The following SLFN13 variants were observed in gnomAD, a reference collection of about 807,000 sequenced individuals.
SLFN13 encodes the protein schlafen-13.
Under a neutral mutation model 50.6 loss-of-function variants are expected in SLFN13, and 43 were observed. That is an observed-to-expected ratio of 0.85 (90% CI 0.67 to 1.09). The LOEUF is 1.09. Ranked by LOEUF, SLFN13 falls within the 50% of genes least tolerant of loss-of-function variation. The pLI is 0.00. For synonymous variants in SLFN13, 339 were observed against 386.5 expected, an observed-to-expected ratio of 0.88 and a Z score of 1.44; for missense variants, 881 against 1,071.1, an observed-to-expected ratio of 0.82 and a Z score of 2.48.
At chr17:35,448,874 G>T (rs1260798934), upstream of SLFN13, 1 of 152,354 alleles carries the variant, frequency 6.6e-6, no homozygotes, top group Non-Finnish European at 1.5e-5. Context: ...GCATGGACGC[G>T]CCAATGGGAG....
At chr17:35,447,651 G>A (rs1302544710) in intron 1 of SLFN13, among the ~76,000 whole-genome samples, 2 of 152,120 alleles carry the variant, frequency 1.3e-5, no homozygotes, top group Admixed American at 1.3e-4. Flanking sequence ...GAAAACTGGT[G>A]GGGACTGGCT....
At chr17:35,443,947 A>C in intron 3 of SLFN13, 27 bp from the exon 4 acceptor site, 1 of 1,605,268 alleles carries the variant, frequency 6.2e-7, no homozygotes, top group Non-Finnish European at 8.5e-7. Flanking sequence ...TTTAATTTAC[A>C]CTATATGATT....
In SLFN13 at chr17:35,445,648, A is replaced by C. The variant is rs1403785428; in HGVS notation, c.33T>G (p.Tyr11Ter). Residue 11 changes from tyrosine (Y) to a stop codon, truncating the protein, a stop_gained, in exon 3 of 6, where the codon TAT becomes TAG. Coordinates refer to ENST00000285013, the MANE Select transcript of SLFN13 (RefSeq NM_144682.6). LOFTEE classifies it high-confidence loss of function. MEANHCSLGVYPSYPDLVIDV... is the reference protein window; with the variant it reads MEANHCSLGV ...CGATGACCAGGTCTGGGTAAGATGG[A>C]TACACACCCAGGGAGCAGTGATTTG... The C allele has an allele frequency of 6.2e-7, 1 of 1,613,554 alleles. No homozygotes were observed. The highest frequency in any genetic ancestry group is 1.1e-5 in the South Asian group (1 of 91,046).
chr17:35,445,717 T>G, intron 2 of SLFN13, 24 bp from the exon 3 acceptor site: 1 of 1,504,578 alleles, frequency 6.6e-7, no homozygotes, highest in Non-Finnish European at 8.9e-7. Context: ...AATATTTGTT[T>G]CATTTTTGAT....
Position 35,438,383 on chromosome 17 carries a change from A to T in SLFN13, c.*2212T>A, listed in dbSNP as rs1409611893. On this transcript the variant is annotated 3_prime_UTR_variant, in exon 6 of 6. Transcript: ENST00000285013. ...TCTTTGGGCTGAACAAAAATTCATAAATATTTATATATTTTAAAATATGAT... is the reference window on the plus strand; with the variant it reads ...TCTTTGGGCTGAACAAAAATTCATATATATTTATATATTTTAAAATATGAT... The T allele has an allele frequency of 6.6e-6, 1 of 151,932 alleles. No homozygotes were observed. The highest frequency in any genetic ancestry group is 1.9e-4 in the East Asian group (1 of 5,192). 9.4% of individuals were successfully genotyped at this position (151,932 alleles called of 1,614,324 possible).
rs752430734 is a variant in SLFN13, at chr17:35,444,731, T to C, written c.950A>G (p.Lys317Arg). The C allele has an allele frequency of 3.6e-5, 58 of 1,614,056 alleles. No individual in the cohort carries two copies. The highest frequency in any genetic ancestry group is 4.8e-5 in the Non-Finnish European group (57 of 1,180,036). Residue 317 changes from lysine to arginine, a missense_variant, in exon 3 of 6, where the codon AAG becomes AGG. By Grantham distance (26) the Lys-to-Arg change is conservative. Around this residue, in one of 5 missense-constraint regions of SLFN13, gnomAD observed 497 missense variants for 518.3 expected, o/e 0.96. Transcript: ENST00000285013. The stretch of plus-strand genomic sequence containing the variant: ...CGAGAACACCACACAACAGAATGCC[T>C]TCACTTTAATCACACAGAGATAGCC... ...LYGYLCVIKV[K>R]AFCCVVFSEA... is the part of the protein sequence containing the mutation.
At chr17:35,448,571 CG>C (rs1466041301) in intron 1 of SLFN13, among the ~76,000 whole-genome samples, 150 bp downstream of exon 1, 1 of 151,344 alleles carries the variant, frequency 6.6e-6, no homozygotes, top group African/African-American at 2.4e-5. Flanking sequence ...CCGACTCCAC[CG>C]GCTGGCCGGA....
intron 3 of SLFN13, 55 bp downstream of exon 3, chr17:35,444,560 T>G (rs1190283028): frequency 7.6e-6 from 11 of 1,445,942 alleles, no homozygotes; most frequent in Non-Finnish European, 9.5e-6. Flanking sequence ...AAGAAGGAAG[T>G]GGTATTGGGG....
chr17:35,444,184 G>GA (rs1913070426), intron 3 of SLFN13, among the ~76,000 whole-genome samples: 2 of 151,872 alleles, frequency 1.3e-5, no homozygotes, highest in East Asian at 1.9e-4. Context: ...GAATTGCAGT[G>GA]GAAAAAAACT....
chr17:35,447,137 A>G (rs1055008454), intron 2 of SLFN13, 131 bp downstream of exon 2: 7 of 152,200 alleles, frequency 4.6e-5, no homozygotes, highest in Non-Finnish European at 1.0e-4. Flanking sequence ...TAAAGGTATT[A>G]TAGTCAGTGC....
In SLFN13 at chr17:35,436,786, A is replaced by G. The variant is rs1021963020; in HGVS notation, c.*3809T>C. On this transcript the variant is annotated 3_prime_UTR_variant, in exon 6 of 6. Transcript: ENST00000285013. ...ATAGTGTCAAAGATATGACAAAGAC[A>G]GATTAACATCTCCAGATTAAATGAG... 8 of 152,230 alleles carry G rather than the reference A, an allele frequency of 5.3e-5. No homozygotes were observed. Among genetic ancestry groups the G allele is most frequent in the Admixed American group, 4.6e-4 (7 of 15,294 alleles). 9.4% of individuals were successfully genotyped at this position (152,230 alleles called of 1,614,324 possible). A position where few individuals can be genotyped will look rare whatever the true frequency, so the allele number is the denominator to read the frequency against.
At position 35,440,584 on chromosome 17, in the gene SLFN13, T is replaced by G. The variant is rs779797460; in HGVS notation, c.*11A>C. 1 of 1,613,502 alleles carries G rather than the reference T, an allele frequency of 6.2e-7. No individual in the cohort carries two copies. Among genetic ancestry groups the G allele is most frequent in the South Asian group, 1.1e-5 (1 of 91,042 alleles). ...CAGTATTTTGGTTTGGAGTTCTTCC[T>G]AATAGTCACTTCACAGAAAAATATA... On this transcript the variant is annotated 3_prime_UTR_variant, in exon 6 of 6. Coordinates refer to ENST00000285013, the MANE Select transcript of SLFN13 (RefSeq NM_144682.6).
In SLFN13 at chr17:35,445,704, T is replaced by C; in HGVS notation, c.-13-11A>G. The stretch of plus-strand genomic sequence containing the variant: ...ATGTTGAACTTGCACCTTAAAGTAT[T>C]AGAATATTTGTTTCATTTTTGATTA... On this transcript the variant is annotated splice_polypyrimidine_tract_variant and intron_variant, in intron 2 of 5. Transcript: ENST00000285013. The C allele has an allele frequency of 4.6e-6, 7 of 1,537,184 alleles. No individual in the cohort carries two copies. Among genetic ancestry groups the C allele is most frequent in the Non-Finnish European group, 6.1e-6 (7 of 1,143,616 alleles).
chr17:35,442,054 C>T lies in SLFN13; in HGVS notation c.1431G>A (p.Arg477=), dbSNP rs760213728. 3 of 1,614,302 alleles carry T rather than the reference C, an allele frequency of 1.9e-6. No individual in the cohort carries two copies. Among genetic ancestry groups the T allele is most frequent in the South Asian group, 2.2e-5 (2 of 91,092 alleles). ...AGTCCTGGCCCTCTGCATCCTGCTC[C>T]CTGAGAATGGTGTAGAGAATGGGGG... ...NSTPILYTIL[R]EQDAEGQDYC... The change falls in exon 5 of 6, where the codon AGG becomes AGA. Residue 477 remains arginine (R), a synonymous_variant. Transcript: ENST00000285013.
rs10512469 is a variant in SLFN13 at position 35,443,783 on chromosome 17, C to T, written c.1198+6G>A. On this transcript the variant is annotated splice_donor_region_variant and intron_variant, in intron 4 of 5. Transcript: ENST00000285013. ...CTCTCCTGATGTAAAAACTGGCAGT[C>T]AGTACCTGGAAATAAATGTTGTTGT... 0.21 allele frequency: 331,887 copies of T among 1,602,548 alleles called. 41,795 individuals carry two copies. Among genetic ancestry groups the T allele is most frequent in the East Asian group, 0.68 (30,348 of 44,700 alleles).
chr17:35,443,842 T>C lies in SLFN13; in HGVS notation c.1145A>G (p.Tyr382Cys). ...SDSPSLCRPV[Y>C]SKKGLEHKAD... ...TTTGTGTTCCAGACCTTTCTTAGAA[T>C]ACACTGGTCTGCAAAGTGAAGGACT... Residue 382 changes from tyrosine (Y) to cysteine (C), a missense_variant, in exon 4 of 6, where the codon TAT (tyrosine) becomes TGT (cysteine). By Grantham distance (194) the Tyr-to-Cys change is radical (BLOSUM62 -2). Coordinates refer to ENST00000285013, the MANE Select transcript of SLFN13 (RefSeq NM_144682.6). 1 of 1,613,780 alleles carries C rather than the reference T, an allele frequency of 6.2e-7. No individual in the cohort carries two copies. Among genetic ancestry groups the C allele is most frequent in the Non-Finnish European group, 8.5e-7 (1 of 1,179,694 alleles).
chr17:35,441,213 C>T lies in SLFN13; in HGVS notation c.2076G>A (p.Lys692=). The change falls in exon 6 of 6, where the codon AAG becomes AAA. Residue 692 remains lysine, a synonymous_variant. Coordinates refer to ENST00000285013, the MANE Select transcript of SLFN13 (RefSeq NM_144682.6). ...RKAKTITQRE[K]DCPGVLWIFL... is the part of the protein sequence containing the mutation. ...AGATCCAGAGAACTCCTGGACAATC[C>T]TTTTCTCTCTGAGTGATGGTTTTTG... 1 of 1,614,078 alleles carries T rather than the reference C, an allele frequency of 6.2e-7. No individual in the cohort carries two copies. The highest frequency in any genetic ancestry group is 8.5e-7 in the Non-Finnish European group (1 of 1,180,004).
At chr17:35,443,957 T>A in intron 3 of SLFN13, 37 bp from the exon 4 acceptor site, 1 of 1,597,732 alleles carries the variant, frequency 6.3e-7, no homozygotes, top group East Asian at 2.3e-5. Flanking sequence ...ACTATATGAT[T>A]TCATGTCTCG....
Position 35,443,867 on chromosome 17 carries a change from T to C in SLFN13, c.1120A>G (p.Ser374Gly). ...AFESQLSLSDSPSLCRPVYSK... is the reference protein window; with the variant it reads ...AFESQLSLSDGPSLCRPVYSK... The stretch of plus-strand genomic sequence containing the variant: ...TACACTGGTCTGCAAAGTGAAGGAC[T>C]GTCAGATAGACTCAACTGAGACTCA... The change falls in exon 4 of 6, where the codon AGT becomes GGT. Residue 374 changes from serine (S) to glycine (G), a missense_variant. Around this residue, in one of 5 missense-constraint regions of SLFN13, gnomAD observed 497 missense variants for 518.3 expected, o/e 0.96. Coordinates refer to ENST00000285013, the MANE Select transcript of SLFN13 (RefSeq NM_144682.6). 6.2e-7 allele frequency: 1 copy of C among 1,613,974 alleles called. No individual in the cohort carries two copies. Among genetic ancestry groups the C allele is most frequent in the Non-Finnish European group, 8.5e-7 (1 of 1,179,826 alleles).
Sources: allele counts gnomAD v4.1 joint callset (sites outside exome capture counted in the v4.1 genomes callset), GRCh38; gene constraint gnomAD v4.1.1; regional missense constraint gnomAD v4.1.1; transcripts MANE v1.5; gene names NCBI Gene and HGNC (gene_info 2026-07-23, HGNC 2026-07-21).